The following NRG3 variants were observed in gnomAD, a reference collection of about 807,000 sequenced individuals.
NRG3 encodes the protein neuregulin 3, also known as pro-neuregulin-3, membrane-bound isoform.
A neutral mutation model predicts 66.9 loss-of-function variants in NRG3; 31 were observed. The observed-to-expected ratio is 0.46, with a 90% CI of 0.35 to 0.63. The LOEUF is 0.63. Among genes scored for constraint, NRG3 ranks in the 20% least tolerant of loss-of-function variants. NRG3 has a pLI of 0.00. For synonymous variants in NRG3, 393 were observed against 359.4 expected, an observed-to-expected ratio of 1.09 and a Z score of -1.06; for missense variants, 910 against 878.9, an observed-to-expected ratio of 1.04 and a Z score of -0.45.
chr10:82,512,179 A>C (rs1382077579), intron 2 of NRG3, among the ~76,000 whole-genome samples: 1 of 151,746 alleles, frequency 6.6e-6, no homozygotes, highest in East Asian at 1.9e-4. Context: ...AATCTATGAA[A>C]CTTTCAAATA....
At chr10:82,432,180 T>G (rs921699226) in intron 2 of NRG3, among the ~76,000 whole-genome samples, 1 of 152,224 alleles carries the variant, frequency 6.6e-6, no homozygotes, top group Admixed American at 6.5e-5. Flanking sequence ...TATGTGCAGA[T>G]ATTACACTGA....
intron 2 of NRG3, among the ~76,000 whole-genome samples, chr10:82,505,542 C>T (rs1163316581): frequency 2.0e-5 from 3 of 152,196 alleles, no homozygotes; most frequent in Non-Finnish European, 1.5e-5. Context: ...AGTTAGGGCT[C>T]TGTCACTCAC....
chr10:81,915,162 T>A (rs914179384), intron 1 of NRG3, among the ~76,000 whole-genome samples: 1 of 152,216 alleles, frequency 6.6e-6, no homozygotes, highest in Admixed American at 6.5e-5. Flanking sequence ...AACACTGGGA[T>A]GTGTGCTGTA....
chr10:82,730,088 C>CAT, intron 2 of NRG3, among the ~76,000 whole-genome samples: 1 of 132,818 alleles, frequency 7.5e-6, no homozygotes, highest in South Asian at 2.4e-4. Flanking sequence ...TTTTTTTTTC[C>CAT]TTTTTTTTTT....
At chr10:82,327,501 C>G (rs957067414) in intron 1 of NRG3, among the ~76,000 whole-genome samples, 1 of 152,154 alleles carries the variant, frequency 6.6e-6, no homozygotes, top group Non-Finnish European at 1.5e-5. Flanking sequence ...TTGTAATGAT[C>G]TTAAAAACAA....
rs534756772 is a variant in NRG3 at position 82,142,067 on chromosome 10, G to C, written c.824-216672G>C. 5.9e-5 allele frequency among the ~76,000 whole-genome samples: 9 copies of C among 152,254 alleles called. No individual in the cohort carries two copies. In the South Asian group the frequency reaches 1.9e-3, roughly 32 times the overall value. On this transcript the variant is annotated intron_variant, in intron 1 of 8. Transcript: ENST00000372141. ...TACACACTCTGAATCAATTGTTACA[G>C]ATTGAGGCCAACAAATATTCATTTT...
rs535512375 is a variant in NRG3, at chr10:82,848,530, G to A, written c.1028-16881G>A. Reference sequence around the variant, plus strand: ...GAAGGTACTTGCCTTGTCTCACATCGGACTTTGGACTGTGGACTTTTGAGT... The same window carrying A: ...GAAGGTACTTGCCTTGTCTCACATCAGACTTTGGACTGTGGACTTTTGAGT... On this transcript the variant is annotated intron_variant, in intron 3 of 8. Coordinates refer to ENST00000372141, the MANE Select transcript of NRG3 (RefSeq NM_001010848.4). Among the ~76,000 whole-genome samples the A allele has an allele frequency of 3.9e-5, 6 of 152,068 alleles. No homozygotes were observed. The South Asian group carries it at 6.2e-4, about 16-fold the overall frequency.
chr10:82,839,552 C>T (rs890096219), intron 3 of NRG3, among the ~76,000 whole-genome samples: 10 of 151,294 alleles, frequency 6.6e-5, no homozygotes, highest in Non-Finnish European at 1.5e-4. Context: ...ATTTTTTAAT[C>T]TACTATGTAT....
chr10:82,371,165 G>A (rs2084865264), intron 2 of NRG3, among the ~76,000 whole-genome samples: 1 of 152,130 alleles, frequency 6.6e-6, no homozygotes, highest in Non-Finnish European at 1.5e-5. Context: ...ACTGGGCAGT[G>A]AAGCTCATAT....
chr10:82,062,420 A>T (rs1174713041), intron 1 of NRG3, among the ~76,000 whole-genome samples: 1 of 152,084 alleles, frequency 6.6e-6, no homozygotes, highest in African/African-American at 2.4e-5. Flanking sequence ...AGCCTGGCCA[A>T]CATGGTGAAA....
chr10:82,268,478 GA>G (rs1351309563), intron 1 of NRG3, among the ~76,000 whole-genome samples: 1 of 152,040 alleles, frequency 6.6e-6, no homozygotes, highest in Non-Finnish European at 1.5e-5. Context: ...CCACCATTCT[GA>G]AATATTCACC....
At chr10:82,178,042 C>T (rs182543298) in intron 1 of NRG3, among the ~76,000 whole-genome samples, 1 of 151,986 alleles carries the variant, frequency 6.6e-6, no homozygotes, top group African/African-American at 2.4e-5. Context: ...GGGTCTTACC[C>T]ATCAATATTA....
intron 2 of NRG3, among the ~76,000 whole-genome samples, chr10:82,517,647 G>GTGTGTGTGTGTGTGTGTGTGTGCA (rs1845799178): frequency 3.4e-5 from 1 of 29,104 alleles, no homozygotes; most frequent in South Asian, 7.2e-4. Flanking sequence ...GTGTGTGTTT[G>GTGTGTGTGTGTGTGTGTGTGTGCA]TGTGTGTGTG....
chr10:82,364,184 T>TTA (rs1252572929), intron 2 of NRG3, among the ~76,000 whole-genome samples: 5 of 152,288 alleles, frequency 3.3e-5, no homozygotes, highest in African/African-American at 9.6e-5. Flanking sequence ...ATCAAGGTCA[T>TTA]TATAATTCAC....
At chr10:82,122,693 G>A (rs1296078069) in intron 1 of NRG3, among the ~76,000 whole-genome samples, 5 of 152,116 alleles carry the variant, frequency 3.3e-5, no homozygotes, top group Non-Finnish European at 5.9e-5. Context: ...GTCTGAATGA[G>A]ATAAAAGGAA....
chr10:82,973,405 T>A (rs1851946580), intron 6 of NRG3, among the ~76,000 whole-genome samples: 2 of 152,222 alleles, frequency 1.3e-5, no homozygotes, highest in South Asian at 4.1e-4. Flanking sequence ...GTTGATTCAA[T>A]CCTTATTATT....
At chr10:82,437,904 A>C (rs1267051122) in intron 2 of NRG3, among the ~76,000 whole-genome samples, 1 of 152,174 alleles carries the variant, frequency 6.6e-6, no homozygotes. Context: ...CCTGGTGAAC[A>C]GCAAAGATGG....
At chr10:82,890,134 T>G (rs1036463237) in intron 4 of NRG3, among the ~76,000 whole-genome samples, 2 of 152,048 alleles carry the variant, frequency 1.3e-5, no homozygotes, top group African/African-American at 4.8e-5. Flanking sequence ...TAAGTTTTTT[T>G]TTTTTTTTTT....
At chr10:82,771,427 C>CA (rs1266385652) in intron 3 of NRG3, among the ~76,000 whole-genome samples, 1 of 152,048 alleles carries the variant, frequency 6.6e-6, no homozygotes, top group Admixed American at 6.6e-5. Context: ...TAGTTGCTGA[C>CA]AAGGGTTCCA....
Sources: gnomAD v4.1 joint callset for allele counts (sites outside exome capture counted in the v4.1 genomes callset) on GRCh38, gnomAD v4.1.1 for gene constraint, MANE v1.5 for transcripts, NCBI Gene and HGNC (gene_info 2026-07-23, HGNC 2026-07-21) for gene names.